CHORDC1: variants seen among roughly 807,000 people sequenced by gnomAD.
The protein encoded by CHORDC1 is cysteine and histidine-rich domain-containing protein 1.
In CHORDC1, 25 loss-of-function variants were observed where a neutral mutation model predicts 48.3. That is an observed-to-expected ratio of 0.52 (90% CI 0.38 to 0.72). The LOEUF (loss-of-function observed/expected upper bound fraction) is 0.72. CHORDC1 is among the 30% of genes least tolerant of loss of function. The pLI is 0.00. For synonymous variants in CHORDC1, 128 were observed against 126.4 expected (o/e 1.01, Z -0.09); for missense variants, 317 against 388.7 (o/e 0.82, Z 1.55).
rs1346180272 is a variant in CHORDC1, at chr11:90,202,388, T to C, written c.*17A>G. 1 of 1,609,708 alleles carries C rather than the reference T, an allele frequency of 6.2e-7. No homozygotes were observed. The highest frequency in any genetic ancestry group is 1.7e-5 in the Admixed American group (1 of 59,862). On this transcript the variant is annotated 3_prime_UTR_variant, in exon 11 of 11. Coordinates refer to ENST00000320585, the MANE Select transcript of CHORDC1 (RefSeq NM_012124.3). ...AAAATTCGGAAATAATGTAATAGCC[T>C]TCCTTCCATCTCCCACTCAATCTGT...
At position 90,222,568 on chromosome 11, in the gene CHORDC1, G is replaced by A. The variant is rs780953451; in HGVS notation, c.64+323C>T. On this transcript the variant is annotated intron_variant, in intron 1 of 10. Coordinates refer to ENST00000320585, the MANE Select transcript of CHORDC1 (RefSeq NM_012124.3). ...CTTCCCCAGAGACTGGAGGGCCAGAGGAGAAACGTGTTCGTTCTAAATTCC... is the reference window on the plus strand; with the variant it reads ...CTTCCCCAGAGACTGGAGGGCCAGAAGAGAAACGTGTTCGTTCTAAATTCC... 14 of 570,858 alleles carry A rather than the reference G, an allele frequency of 2.5e-5. No homozygotes were observed. In the East Asian group the frequency reaches 3.2e-4, roughly 13 times the overall value. 35.4% of individuals were successfully genotyped at this position (570,858 alleles called of 1,614,324 possible).
Position 90,215,577 on chromosome 11 carries a change from A to T in CHORDC1, c.115-347T>A, listed in dbSNP as rs146716905. 1.5e-3 allele frequency among the ~76,000 whole-genome samples: 223 copies of T among 152,132 alleles called. 1 individual carries two copies. The highest frequency in any genetic ancestry group is 5.1e-3 in the African/African-American group (211 of 41,554). Reference sequence around the variant, plus strand: ...AAACTATCATATTTAAAGAATATTCAAAATAAGTATAGGTATTTTACTTTT... The same window carrying T: ...AAACTATCATATTTAAAGAATATTCTAAATAAGTATAGGTATTTTACTTTT... On this transcript the variant is annotated intron_variant, in intron 2 of 10. Coordinates refer to ENST00000320585, the MANE Select transcript of CHORDC1 (RefSeq NM_012124.3).
chr11:90,206,331 CA>C (rs1420553903), intron 6 of CHORDC1, 59 bp from the exon 7 acceptor site: 1 of 942,898 alleles, frequency 1.1e-6, no homozygotes, highest in African/African-American at 1.6e-5. Context: ...ACATCTCATA[CA>C]TATTTGCAGT....
At chr11:90,220,145 A>T (rs895539170) in intron 1 of CHORDC1, among the ~76,000 whole-genome samples, 2 of 152,182 alleles carry the variant, frequency 1.3e-5, no homozygotes, top group Admixed American at 6.5e-5. Context: ...CTCTTCTTCC[A>T]ATGTCGCACA....
intron 4 of CHORDC1, chr11:90,213,245 AATTT>A: frequency 1.8e-6 from 1 of 546,320 alleles, no homozygotes; most frequent in Non-Finnish European, 3.3e-6. Flanking sequence ...ATACTCTATA[AATTT>A]ATTTAAGTAG....
chr11:90,218,387 T>C (rs1458536583), intron 1 of CHORDC1, among the ~76,000 whole-genome samples: 5 of 152,174 alleles, frequency 3.3e-5, no homozygotes, highest in South Asian at 2.1e-4. Context: ...AAGCATATGA[T>C]GACTAAGGAC....
chr11:90,221,146 A>G (rs1355384991), intron 1 of CHORDC1, among the ~76,000 whole-genome samples: 1 of 152,156 alleles, frequency 6.6e-6, no homozygotes, highest in Non-Finnish European at 1.5e-5. Flanking sequence ...CAGATCCAAC[A>G]TCTGGCTTAC....
At chr11:90,212,703 G>A (rs1857905193) in intron 4 of CHORDC1, 1 of 152,010 alleles carries the variant, frequency 6.6e-6, no homozygotes, top group African/African-American at 2.4e-5. Context: ...TCATCTCACT[G>A]CCTTTGTCCT....
At chr11:90,205,890 T>C (rs376235772) in intron 7 of CHORDC1, 3 of 443,688 alleles carry the variant, frequency 6.8e-6, no homozygotes, top group Non-Finnish European at 1.2e-5. Flanking sequence ...CTAAATGCCC[T>C]GCAATGTGTA....
At chr11:90,217,184 A>AG (rs1293337286) in intron 2 of CHORDC1, among the ~76,000 whole-genome samples, 1 of 152,204 alleles carries the variant, frequency 6.6e-6, no homozygotes, top group Non-Finnish European at 1.5e-5. Context: ...TGGTGTTAAC[A>AG]GTGAAGTGCC....
At chr11:90,203,643 C>T (rs1007499641) in intron 8 of CHORDC1, among the ~76,000 whole-genome samples, 5 of 152,110 alleles carry the variant, frequency 3.3e-5, no homozygotes, top group African/African-American at 1.2e-4. Context: ...TCAGAACACA[C>T]TTACTCCTTC....
chr11:90,221,026 C>T (rs1858157838), intron 1 of CHORDC1, among the ~76,000 whole-genome samples: 1 of 151,734 alleles, frequency 6.6e-6, no homozygotes, highest in African/African-American at 2.4e-5. Context: ...TAATTTCTGT[C>T]TCTAGGGGGA....
Position 90,213,512 on chromosome 11 carries a change from C to T in CHORDC1, c.329+506G>A, listed in dbSNP as rs564981339. The stretch of plus-strand genomic sequence containing the variant: ...ATGAAGAATCTGTACAACTCTATTG[C>T]ACAATGAGCAAACGCTTTTTTAAGA... On this transcript the variant is annotated intron_variant, in intron 4 of 10. Coordinates refer to ENST00000320585, the MANE Select transcript of CHORDC1 (RefSeq NM_012124.3). 1.0e-4 allele frequency: 63 copies of T among 603,810 alleles called. No individual in the cohort carries two copies. The African/African-American group carries it at 1.1e-3, about 10-fold the overall frequency. 37.4% of individuals were successfully genotyped at this position (603,810 alleles called of 1,614,324 possible).
chr11:90,209,046 T>G (rs1857784413), intron 6 of CHORDC1: 1 of 152,166 alleles, frequency 6.6e-6, no homozygotes, highest in Non-Finnish European at 1.5e-5. Context: ...GTCATTCACT[T>G]TTCAAAACAC....
intron 7 of CHORDC1, 46 bp from the exon 8 acceptor site, chr11:90,205,611 A>C (rs1221017874): frequency 8.6e-7 from 1 of 1,168,390 alleles, no homozygotes; most frequent in African/African-American, 1.6e-5. Flanking sequence ...TCTCACAACC[A>C]ATTAAATCCA....
At chr11:90,211,775 A>T (rs190635029) in intron 4 of CHORDC1, 70 of 155,228 alleles carry the variant, frequency 4.5e-4, no homozygotes, top group Non-Finnish European at 8.8e-4. Context: ...ACACTGGCAT[A>T]TGGATCTGTA....
Position 90,202,908 on chromosome 11 carries a change from T to C in CHORDC1, c.790-33A>G, listed in dbSNP as rs199992134. The stretch of plus-strand genomic sequence containing the variant: ...AGATATACACAGTTAATTGATCTAA[T>C]TCAAACTGAAGATTTATGCTATCAA... On this transcript the variant is annotated intron_variant, in intron 9 of 10. Transcript: ENST00000320585. 1.3e-5 allele frequency: 21 copies of C among 1,557,028 alleles called. No homozygotes were observed. The East Asian group carries it at 4.1e-4, about 30-fold the overall frequency.
At chr11:90,213,555 T>C (rs1022289018) in intron 4 of CHORDC1, 10 of 516,964 alleles carry the variant, frequency 1.9e-5, no homozygotes, top group African/African-American at 1.6e-4. Flanking sequence ...CACAAATATG[T>C]CATCTAAATC....
At position 90,201,758 on chromosome 11, in the gene CHORDC1, TAATC is replaced by T. The variant is rs1857549321; in HGVS notation, c.*643_*646del. 1 of 152,454 alleles carries T rather than the reference TAATC, an allele frequency of 6.6e-6. No individual in the cohort carries two copies. The highest frequency in any genetic ancestry group is 1.5e-5 in the Non-Finnish European group (1 of 67,904). The allele number at this position is 152,454 out of a possible 1,614,324, so 9.4% of individuals were successfully genotyped here. On this transcript the variant is annotated 3_prime_UTR_variant, in exon 11 of 11. Coordinates refer to ENST00000320585, the MANE Select transcript of CHORDC1 (RefSeq NM_012124.3). ...AATTTTAACCAAATTGATACCTCTG[TAATC>T]TTATTTATGTTTCCTATAACATCAT...
Sources: gnomAD v4.1 joint callset for allele counts (sites outside exome capture counted in the v4.1 genomes callset) on GRCh38, gnomAD v4.1.1 for gene constraint, MANE v1.5 for transcripts, NCBI Gene and HGNC (gene_info 2026-07-23, HGNC 2026-07-21) for gene names.